The following UBE3A variants were observed in gnomAD, a reference collection of about 807,000 sequenced individuals.
UBE3A encodes ubiquitin protein ligase E3A, also known as ubiquitin-protein ligase E3A.
Under a neutral mutation model 83.4 loss-of-function variants are expected in UBE3A, and 6 were observed. The observed-to-expected ratio is 0.07, with a 90% confidence interval of 0.04 to 0.14. UBE3A has a LOEUF of 0.14. UBE3A is among the 10% of genes least tolerant of loss of function. The pLI is 1.00. For missense variants in UBE3A, 456 were observed against 1,036.1 expected, an observed-to-expected ratio of 0.44 and a Z score of 7.69; for synonymous variants, 337 against 355.4, an observed-to-expected ratio of 0.95 and a Z score of 0.58.
At chr15:25,402,475 T>C (rs910493567) in intron 4 of UBE3A, among the ~76,000 whole-genome samples, 1 of 152,176 alleles carries the variant, frequency 6.6e-6, no homozygotes, top group Non-Finnish European at 1.5e-5. Context: ...GGGGCCGATC[T>C]AGAGGGCAGG....
intron 1 of UBE3A, among the ~76,000 whole-genome samples, chr15:25,435,118 A>T (rs919102858): frequency 6.6e-6 from 1 of 151,926 alleles, no homozygotes; most frequent in Admixed American, 6.6e-5. Context: ...TAAAAGGAGT[A>T]AAAAAGTAAA....
At chr15:25,341,914 A>C (rs2074907614) in intron 11 of UBE3A, among the ~76,000 whole-genome samples, 1 of 152,022 alleles carries the variant, frequency 6.6e-6, no homozygotes, top group African/African-American at 2.4e-5. Flanking sequence ...AAATGCTGGC[A>C]TTTTTGGTGC....
intron 2 of UBE3A, among the ~76,000 whole-genome samples, chr15:25,410,353 C>T (rs1316361505): frequency 1.3e-5 from 2 of 152,122 alleles, no homozygotes; most frequent in South Asian, 2.1e-4. Context: ...ATTTAGCAGG[C>T]CTCTTTACTG....
intron 1 of UBE3A, among the ~76,000 whole-genome samples, chr15:25,434,279 G>T (rs780871654): frequency 1.4e-4 from 21 of 151,970 alleles, no homozygotes; most frequent in Middle Eastern, 3.4e-3. Flanking sequence ...TAAGTCATTT[G>T]ATTAAAAAAA....
intron 1 of UBE3A, among the ~76,000 whole-genome samples, chr15:25,413,559 C>A (rs557187047): frequency 6.6e-6 from 1 of 152,250 alleles, no homozygotes; most frequent in South Asian, 2.1e-4. Flanking sequence ...TCTCCTTATT[C>A]CAGTCCATTC....
intron 1 of UBE3A, among the ~76,000 whole-genome samples, chr15:25,433,265 C>T (rs756937567): frequency 6.6e-6 from 1 of 150,938 alleles, no homozygotes; most frequent in Non-Finnish European, 1.5e-5. Context: ...CTCACTGCAA[C>T]CTCCGCCTCC....
intron 1 of UBE3A, among the ~76,000 whole-genome samples, chr15:25,427,631 A>AAAAAAC (rs1311491781): frequency 2.6e-5 from 3 of 115,252 alleles, no homozygotes; most frequent in Non-Finnish European, 5.7e-5. Context: ...AAAAAAAAAA[A>AAAAAAC]CCCACAAAAC....
intron 7 of UBE3A, among the ~76,000 whole-genome samples, chr15:25,358,780 A>T (rs2077595544): frequency 6.6e-6 from 1 of 152,212 alleles, no homozygotes; most frequent in Non-Finnish European, 1.5e-5. Context: ...ATGGTTTGAA[A>T]ATTAAACAAT....
At position 25,383,254 on chromosome 15, in the gene UBE3A, T is replaced by G. The variant is rs1258158324; in HGVS notation, c.63-7491A>C. On this transcript the variant is annotated intron_variant, in intron 4 of 12. Transcript: ENST00000648336. ...AAGGATGGTTCAACATACAAAAAAA[T>G]CACTTTAATACACTGCATTCTTAGG... Among the ~76,000 whole-genome samples, 13 of 152,056 alleles carry G rather than the reference T, an allele frequency of 8.5e-5. 1 individual carries two copies. Among genetic ancestry groups the G allele is most frequent in the Non-Finnish European group, 1.5e-5 (1 of 68,012 alleles).
In UBE3A at chr15:25,335,055, TAGA is replaced by T. The variant is rs2073894859; in HGVS notation, c.*4079_*4081del. 6.6e-6 allele frequency: 1 copy of T among 151,680 alleles called. No individual in the cohort carries two copies. The highest frequency in any genetic ancestry group is 2.4e-5 in the African/African-American group (1 of 41,318). The allele number at this position is 151,680 out of a possible 1,614,324, so 9.4% of individuals were successfully genotyped here. On this transcript the variant is annotated 3_prime_UTR_variant, in exon 13 of 13. Transcript: ENST00000648336. The stretch of plus-strand genomic sequence containing the variant: ...TACTTACACTCCAGGCAAAGGTTAT[TAGA>T]AGAAAAAAAGATGTAAGAAAATTCC...
chr15:25,410,711 T>C (rs1016988721), intron 2 of UBE3A, among the ~76,000 whole-genome samples: 2 of 152,192 alleles, frequency 1.3e-5, no homozygotes, highest in African/African-American at 4.8e-5. Context: ...TTGGCCTGAA[T>C]ATATAAAAAT....
chr15:25,344,333 G>T (rs2075331710), intron 11 of UBE3A, among the ~76,000 whole-genome samples: 1 of 152,132 alleles, frequency 6.6e-6, no homozygotes, highest in South Asian at 2.1e-4. Context: ...ACACTAGGAA[G>T]ATTATTTTCC....
chr15:25,362,644 GA>G (rs1379116784), intron 6 of UBE3A, among the ~76,000 whole-genome samples: 3 of 152,090 alleles, frequency 2.0e-5, no homozygotes, highest in African/African-American at 7.2e-5. Flanking sequence ...TAACCTTGGG[GA>G]AAAAAATAGT....
chr15:25,381,695 G>A (rs367962292), intron 4 of UBE3A, among the ~76,000 whole-genome samples: 7 of 152,160 alleles, frequency 4.6e-5, no homozygotes, highest in Non-Finnish European at 8.8e-5. Context: ...GTTCTGAGAC[G>A]TTGCAAAACT....
chr15:25,405,485 G>A lies in UBE3A; in HGVS notation c.38C>T (p.Ser13Phe). The change falls in exon 4 of 13, where the codon TCT becomes TTT. Residue 13 changes from serine to phenylalanine, a missense_variant. Ser to Phe is a radical substitution (Grantham distance 155, BLOSUM62 -2). Transcript: ENST00000648336. Reference protein sequence around the residue: ...TACKRSGEPQSDDIEASRMKR... With the variant: ...TACKRSGEPQFDDIEASRMKR... Reference sequence around the variant, plus strand: ...CATTCGGCTAGCTTCAATGTCGTCAGACTGAGGTTCTCCTGATCTGTAAAA... The same window carrying A: ...CATTCGGCTAGCTTCAATGTCGTCAAACTGAGGTTCTCCTGATCTGTAAAA... 1.2e-6 allele frequency: 2 copies of A among 1,613,876 alleles called. No individual in the cohort carries two copies. The highest frequency in any genetic ancestry group is 1.7e-6 in the Non-Finnish European group (2 of 1,179,868).
chr15:25,346,232 ACT>A (rs1197079772), intron 11 of UBE3A: 1 of 151,904 alleles, frequency 6.6e-6, no homozygotes, highest in East Asian at 1.9e-4. Context: ...ACCCAAACAC[ACT>A]CTGCGCAGCT....
chr15:25,385,310 A>G, intron 4 of UBE3A, among the ~76,000 whole-genome samples: 1 of 152,216 alleles, frequency 6.6e-6, no homozygotes. Flanking sequence ...TTTCCAAAGA[A>G]TATATACAAA....
intron 12 of UBE3A, chr15:25,339,683 C>T (rs199904877): frequency 3.2e-6 from 1 of 310,918 alleles, no homozygotes; most frequent in East Asian, 8.5e-5. Context: ...CTCTTAAATG[C>T]TTATTAGAAA....
chr15:25,381,461 A>G (rs533918186), intron 4 of UBE3A, among the ~76,000 whole-genome samples: 1 of 152,354 alleles, frequency 6.6e-6, no homozygotes, highest in East Asian at 1.9e-4. Context: ...CAATATAAAA[A>G]CTAATGGTGA....
Sources: gnomAD v4.1 joint callset for allele counts (sites outside exome capture counted in the v4.1 genomes callset) on GRCh38, gnomAD v4.1.1 for gene constraint, MANE v1.5 for transcripts, NCBI Gene and HGNC (gene_info 2026-07-23, HGNC 2026-07-21) for gene names.